Variants in CCDC50 observed in about 807,000 individuals in gnomAD.
CCDC50 encodes the protein coiled-coil domain containing 50.
In CCDC50, 54 loss-of-function variants were observed where a neutral mutation model predicts 70.2. The ratio of observed to expected loss-of-function variants is 0.77; its 90% CI spans 0.62 to 0.96. The LOEUF (loss-of-function observed/expected upper bound fraction) is 0.96, where lower values mean the gene tolerates loss of function less well. Among genes scored for constraint, CCDC50 ranks in the 50% least tolerant of loss-of-function variants. CCDC50 has a pLI of 0.00. For missense variants in CCDC50, 558 were observed against 578.7 expected (o/e 0.96, Z 0.37); for synonymous variants, 216 against 198.8 (o/e 1.09, Z -0.73).
In CCDC50 at chr3:191,356,925, C is replaced by T. The variant is rs576052423; in HGVS notation, c.50-163C>T. ...TATAGATTTTTGTGACTAAAGACTG[C>T]ATACTTAACTAGTCACTATTTTATG... On this transcript the variant is annotated intron_variant, in intron 1 of 11. Transcript: ENST00000392455. 4.5e-4 allele frequency among the ~76,000 whole-genome samples: 69 copies of T among 152,268 alleles called. No homozygotes were observed. In the Middle Eastern group the frequency reaches 0.01, roughly 23 times the overall value.
intron 4 of CCDC50, among the ~76,000 whole-genome samples, chr3:191,365,357 A>G (rs893517622): frequency 2.0e-5 from 3 of 151,980 alleles, no homozygotes; most frequent in Admixed American, 1.3e-4. Flanking sequence ...TTCATGTTCT[A>G]AAAGAATATT....
At position 191,392,858 on chromosome 3, in the gene CCDC50, C is replaced by T. The variant is rs956978814; in HGVS notation, c.*1098C>T. The T allele has an allele frequency of 1.3e-5, 2 of 152,336 alleles. No individual in the cohort carries two copies. Among genetic ancestry groups the T allele is most frequent in the African/African-American group, 4.8e-5 (2 of 41,432 alleles). 9.4% of individuals were successfully genotyped at this position (152,336 alleles called of 1,614,324 possible). A position where few individuals can be genotyped will look rare whatever the true frequency, so the allele number is the denominator to read the frequency against. The stretch of plus-strand genomic sequence containing the variant: ...GCTGGAGCAATTCCCCTGCCTCAGC[C>T]TCCCAAGTAGCTGGAATTACAGGCA... On this transcript the variant is annotated 3_prime_UTR_variant, in exon 12 of 12. Coordinates refer to ENST00000392455, the MANE Select transcript of CCDC50 (RefSeq NM_178335.3).
chr3:191,354,343 A>G (rs916095226), intron 1 of CCDC50, among the ~76,000 whole-genome samples: 1 of 152,168 alleles, frequency 6.6e-6, no homozygotes, highest in Non-Finnish European at 1.5e-5. Context: ...TGTCAGTGCC[A>G]TATTATTAAA....
chr3:191,380,947 G>GC lies in CCDC50; in HGVS notation c.1242+15_1242+16insC, dbSNP rs757073067. ...CCGAGTGGAAGGTAGAGTGTGTTTT[G>GC]TTTGTTTTCTAATTAGAAATAAAAT... On this transcript the variant is annotated intron_variant, in intron 9 of 11. Transcript: ENST00000392455. 9 of 1,596,128 alleles carry GC rather than the reference G, an allele frequency of 5.6e-6. No homozygotes were observed. The African/African-American group carries it at 6.7e-5, about 12-fold the overall frequency.
intron 10 of CCDC50, among the ~76,000 whole-genome samples, chr3:191,385,005 T>A (rs1463747923): frequency 2.0e-5 from 3 of 152,338 alleles, no homozygotes; most frequent in African/African-American, 7.2e-5. Context: ...TTTCATTCTT[T>A]TTTGTGGCTG....
At chr3:191,357,729 T>C (rs1037917601) in intron 2 of CCDC50, among the ~76,000 whole-genome samples, 2 of 152,212 alleles carry the variant, frequency 1.3e-5, no homozygotes, top group African/African-American at 4.8e-5. Flanking sequence ...TGGCCCTGGC[T>C]TTAGAATATT....
At chr3:191,367,244 TA>T (rs1712726304) in intron 4 of CCDC50, among the ~76,000 whole-genome samples, 1 of 152,110 alleles carries the variant, frequency 6.6e-6, no homozygotes. Flanking sequence ...AGAAGGGCTG[TA>T]ATTCTTTTTT....
chr3:191,369,995 C>A lies in CCDC50; in HGVS notation c.407C>A (p.Ala136Glu). The change falls in exon 5 of 12, where the codon GCA becomes GAA. Residue 136 changes from alanine (A) to glutamate (E), a missense_variant. Ala to Glu is a moderately radical substitution (Grantham distance 107, BLOSUM62 -1). Transcript: ENST00000392455. The stretch of plus-strand genomic sequence containing the variant: ...AAGAAACACTTTCCAGAGTTCCCTG[C>A]AACCCGTGCTTATGCAGATAGTTAC... Reference protein sequence around the residue: ...KRKKHFPEFPATRAYADSYYY... With the variant: ...KRKKHFPEFPETRAYADSYYY... 1 of 1,613,224 alleles carries A rather than the reference C, an allele frequency of 6.2e-7. No individual in the cohort carries two copies. The highest frequency in any genetic ancestry group is 1.1e-5 in the South Asian group (1 of 91,072).
At chr3:191,371,782 A>G (rs1046669372) in intron 5 of CCDC50, among the ~76,000 whole-genome samples, 1 of 152,102 alleles carries the variant, frequency 6.6e-6, no homozygotes, top group African/African-American at 2.4e-5. Context: ...CATTTTCTTT[A>G]TGCTGGTTTT....
In CCDC50 at chr3:191,394,856, G is replaced by A. The variant is rs1713812505; in HGVS notation, c.*3096G>A. 1 of 152,140 alleles carries A rather than the reference G, an allele frequency of 6.6e-6. No homozygotes were observed. The highest frequency in any genetic ancestry group is 1.5e-5 in the Non-Finnish European group (1 of 67,990). 9.4% of individuals were successfully genotyped at this position (152,140 alleles called of 1,614,324 possible). A position where few individuals can be genotyped will look rare whatever the true frequency, so the allele number is the denominator to read the frequency against. ...ACATAAGTATTTTATTTTGGGACTAGACAGTTGCTTTACATGTATTTAAGG... is the reference window on the plus strand; with the variant it reads ...ACATAAGTATTTTATTTTGGGACTAAACAGTTGCTTTACATGTATTTAAGG... On this transcript the variant is annotated 3_prime_UTR_variant, in exon 12 of 12. Transcript: ENST00000392455.
intron 1 of CCDC50, among the ~76,000 whole-genome samples, chr3:191,343,044 A>C (rs1711786140): frequency 6.6e-6 from 1 of 152,110 alleles, no homozygotes; most frequent in African/African-American, 2.4e-5. Flanking sequence ...TTTTCAATCA[A>C]GTGTAGATCA....
In CCDC50 at chr3:191,359,814, TAGAA is replaced by T. The variant is rs566064810; in HGVS notation, c.240-1252_240-1249del. ...CTTTACATTATTCACAATTCTCTGT[TAGAA>T]AGGCCAGTTCTGAGGTTGATGCAGA... On this transcript the variant is annotated intron_variant, in intron 3 of 11. Transcript: ENST00000392455. Among the ~76,000 whole-genome samples the T allele has an allele frequency of 5.8e-3, 890 of 152,322 alleles. 8 individuals carry two copies. Among genetic ancestry groups the T allele is most frequent in the Middle Eastern group, 0.041 (12 of 294 alleles).
rs1285784234 is a variant in CCDC50, at chr3:191,395,974, C to A, written c.*4214C>A. The A allele has an allele frequency of 6.6e-6, 1 of 152,128 alleles. No individual in the cohort carries two copies. Among genetic ancestry groups the A allele is most frequent in the African/African-American group, 2.4e-5 (1 of 41,424 alleles). The allele number at this position is 152,128 out of a possible 1,614,324, so 9.4% of individuals were successfully genotyped here. A position where few individuals can be genotyped will look rare whatever the true frequency, so the allele number is the denominator to read the frequency against. ...ACTGGAGACTGTCCTGTTAATGCTG[C>A]ATGGGGCACAATGTCTTTCAAATTA... On this transcript the variant is annotated 3_prime_UTR_variant, in exon 12 of 12. Transcript: ENST00000392455.
chr3:191,391,646 G>A, intron 11 of CCDC50, 95 bp from the exon 12 acceptor site: 1 of 1,061,164 alleles, frequency 9.4e-7, no homozygotes, highest in Non-Finnish European at 1.4e-6. Context: ...GAAATGTATA[G>A]AAATAAAGTT....
Position 191,369,982 on chromosome 3 carries a change from C to A in CCDC50, c.394C>A (p.Pro132Thr). Reference protein sequence around the residue: ...QEEKKRKKHFPEFPATRAYAD... With the variant: ...QEEKKRKKHFTEFPATRAYAD... ...AGAGAAAAAGAGAAAGAAACACTTT[C>A]CAGAGTTCCCTGCAACCCGTGCTTA... Residue 132 changes from proline (P) to threonine (T), a missense_variant, in exon 5 of 12, where the codon CCA (proline) becomes ACA (threonine). Pro to Thr is a conservative substitution (Grantham distance 38). Transcript: ENST00000392455. 2 of 1,613,530 alleles carry A rather than the reference C, an allele frequency of 1.2e-6. No homozygotes were observed. The highest frequency in any genetic ancestry group is 1.3e-5 in the African/African-American group (1 of 75,018).
intron 1 of CCDC50, 53 bp from the exon 2 acceptor site, chr3:191,357,035 G>T (rs1178604357): frequency 8.0e-6 from 9 of 1,127,712 alleles, no homozygotes; most frequent in Non-Finnish European, 1.2e-5. Flanking sequence ...TCCTTTGTAT[G>T]TTAAAGTATT....
chr3:191,345,682 C>A lies in CCDC50; in HGVS notation c.50-11406C>A, dbSNP rs201256127. On this transcript the variant is annotated intron_variant, in intron 1 of 11. Coordinates refer to ENST00000392455, the MANE Select transcript of CCDC50 (RefSeq NM_178335.3). ...CGGTTAGCCATAACATATCTACTTG[C>A]CAAACAAGTGGTTTAGGTTACCGGG... Among the ~76,000 whole-genome samples, 53 of 152,194 alleles carry A rather than the reference C, an allele frequency of 3.5e-4. 1 individual carries two copies. The East Asian group carries it at 4.6e-3, about 13-fold the overall frequency.
chr3:191,331,054 T>G (rs996360923), intron 1 of CCDC50, among the ~76,000 whole-genome samples: 7 of 152,216 alleles, frequency 4.6e-5, no homozygotes, highest in African/African-American at 1.7e-4. Flanking sequence ...GGCTGAGCGA[T>G]AGGAAAGGCG....
chr3:191,345,316 G>A (rs765384732), intron 1 of CCDC50, among the ~76,000 whole-genome samples: 23 of 152,232 alleles, frequency 1.5e-4, no homozygotes, highest in South Asian at 4.1e-4. Flanking sequence ...CATGTTTGCG[G>A]GCATTTTAAA....
Sources: gnomAD v4.1 joint callset for allele counts (sites outside exome capture counted in the v4.1 genomes callset) on GRCh38, gnomAD v4.1.1 for gene constraint, MANE v1.5 for transcripts, NCBI Gene and HGNC (gene_info 2026-07-23, HGNC 2026-07-21) for gene names.